KAT2B: variants seen among roughly 807,000 people sequenced by gnomAD.
The protein encoded by KAT2B is lysine acetyltransferase 2B, also known as histone acetyltransferase KAT2B.
Under a neutral mutation model 105.9 loss-of-function variants are expected in KAT2B, and 36 were observed. The ratio of observed to expected loss-of-function variants is 0.34; its 90% confidence interval spans 0.26 to 0.45. The LOEUF (loss-of-function observed/expected upper bound fraction) is 0.45, where lower values mean the gene tolerates loss of function less well. Among genes scored for constraint, KAT2B ranks in the 20% least tolerant of loss-of-function variants. The pLI is 1.00. For missense variants in KAT2B, 820 were observed against 1,021.6 expected, an observed-to-expected ratio of 0.80 and a Z score of 2.69; for synonymous variants, 397 against 377.9, an observed-to-expected ratio of 1.05 and a Z score of -0.59.
chr3:20,125,395 A>C (rs1407890522), intron 9 of KAT2B, among the ~76,000 whole-genome samples: 1 of 152,136 alleles, frequency 6.6e-6, no homozygotes, highest in Non-Finnish European at 1.5e-5. Flanking sequence ...AGGGTCCTTA[A>C]AGCTCAGCTG....
intron 13 of KAT2B, among the ~76,000 whole-genome samples, chr3:20,142,030 C>G (rs550681379): frequency 6.6e-6 from 1 of 152,180 alleles, no homozygotes; most frequent in African/African-American, 2.4e-5. Context: ...GCCATCACCC[C>G]GCTGTCAGCT....
chr3:20,053,148 A>T (rs1265792813), intron 1 of KAT2B, among the ~76,000 whole-genome samples: 2 of 152,170 alleles, frequency 1.3e-5, no homozygotes, highest in African/African-American at 4.8e-5. Context: ...TTATGGCCTG[A>T]ACGTCTCCTA....
rs534069051 is a variant in KAT2B at position 20,048,332 on chromosome 3, A to G, written c.303+7552A>G. Among the ~76,000 whole-genome samples, 148 of 152,354 alleles carry G rather than the reference A, an allele frequency of 9.7e-4. 1 individual carries two copies. Among genetic ancestry groups the G allele is most frequent in the African/African-American group, 3.4e-3 (143 of 41,578 alleles). On this transcript the variant is annotated intron_variant, in intron 1 of 17. Coordinates refer to ENST00000263754, the MANE Select transcript of KAT2B (RefSeq NM_003884.5). ...TTTTATATAACTGAGAAAGTGTTTT[A>G]CAGGGCAAAACAGCAAAATCTGCTG...
intron 2 of KAT2B, among the ~76,000 whole-genome samples, chr3:20,089,399 CT>C (rs60958319): frequency 2.6e-3 from 322 of 123,988 alleles, no homozygotes; most frequent in African/African-American, 5.8e-3. Flanking sequence ...GTCTTCTTCA[CT>C]TTTTTTTTTT....
chr3:20,134,614 G>C (rs1329612924), intron 11 of KAT2B, among the ~76,000 whole-genome samples: 2 of 152,044 alleles, frequency 1.3e-5, no homozygotes, highest in Non-Finnish European at 2.9e-5. Flanking sequence ...TCACCATGTT[G>C]TTCAGGATGG....
intron 2 of KAT2B, among the ~76,000 whole-genome samples, chr3:20,078,877 C>CTT (rs200121446): frequency 1.5e-4 from 20 of 133,736 alleles, no homozygotes; most frequent in Admixed American, 3.8e-4. Context: ...ACTCCCAGAG[C>CTT]TTTTTTTTTT....
chr3:20,092,700 T>G (rs953560024), intron 2 of KAT2B, among the ~76,000 whole-genome samples: 4 of 151,864 alleles, frequency 2.6e-5, no homozygotes, highest in African/African-American at 9.7e-5. Context: ...TGTATCGTTT[T>G]TTGTTGTTGT....
chr3:20,110,104 T>C (rs1432384736), intron 5 of KAT2B, among the ~76,000 whole-genome samples: 1 of 152,114 alleles, frequency 6.6e-6, no homozygotes, highest in Non-Finnish European at 1.5e-5. Context: ...TCAAAGTTCA[T>C]TGGGAGCTTT....
chr3:20,089,537 A>G (rs1045761162), intron 2 of KAT2B, among the ~76,000 whole-genome samples: 1 of 151,578 alleles, frequency 6.6e-6, no homozygotes, highest in African/African-American at 2.4e-5. Context: ...AGTAGCTGAG[A>G]TTACAGGCGT....
intron 6 of KAT2B, among the ~76,000 whole-genome samples, chr3:20,112,589 T>G (rs1167019601): frequency 6.6e-6 from 1 of 152,046 alleles, no homozygotes; most frequent in African/African-American, 2.4e-5. Context: ...CAGCGAGAAA[T>G]GAATGAGACA....
intron 1 of KAT2B, among the ~76,000 whole-genome samples, chr3:20,071,611 A>C (rs1559518179): frequency 6.6e-6 from 1 of 152,206 alleles, no homozygotes; most frequent in Admixed American, 6.5e-5. Context: ...AGGCTACATC[A>C]TGTTCACTCT....
chr3:20,072,230 G>C, intron 1 of KAT2B, 103 bp from the exon 2 acceptor site: 2 of 1,197,854 alleles, frequency 1.7e-6, no homozygotes, highest in Non-Finnish European at 2.5e-6. Context: ...TCAGGGGTGA[G>C]GGGATAGCTG....
At chr3:20,110,654 C>T (rs1478016014) in intron 5 of KAT2B, among the ~76,000 whole-genome samples, 2 of 120,198 alleles carry the variant, frequency 1.7e-5, no homozygotes, top group Admixed American at 1.1e-4. Context: ...GCCTTGGTGA[C>T]ACAGTGAGAC....
chr3:20,090,844 A>G (rs184569089), intron 2 of KAT2B, among the ~76,000 whole-genome samples: 4 of 152,246 alleles, frequency 2.6e-5, no homozygotes, highest in East Asian at 1.9e-4. Flanking sequence ...GGTTCAAGCA[A>G]TCCTCCAACC....
At position 20,152,486 on chromosome 3, in the gene KAT2B, C is replaced by G; in HGVS notation, c.2460C>G (p.Phe820Leu). 2 of 1,613,178 alleles carry G rather than the reference C, an allele frequency of 1.2e-6. No homozygotes were observed. Among genetic ancestry groups the G allele is most frequent in the Non-Finnish European group, 1.7e-6 (2 of 1,179,488 alleles). The change falls in exon 18 of 18, where the codon TTC becomes TTG. Residue 820 changes from phenylalanine (F) to leucine (L), a missense_variant. Transcript: ENST00000263754. ...YKCANILEKF[F>L]FSKIKEAGLI... ...GTGCCAATATCCTGGAGAAATTCTT[C>G]TTCAGTAAAATTAAGGAAGCTGGAT...
chr3:20,106,500 G>C (rs1413478075), intron 5 of KAT2B, among the ~76,000 whole-genome samples: 1 of 151,712 alleles, frequency 6.6e-6, no homozygotes, highest in Non-Finnish European at 1.5e-5. Context: ...CATTGACTCA[G>C]CCTCATTGTC....
chr3:20,051,061 A>G (rs1293807300), intron 1 of KAT2B, among the ~76,000 whole-genome samples: 1 of 151,880 alleles, frequency 6.6e-6, no homozygotes, highest in Non-Finnish European at 1.5e-5. Context: ...TTAGCTGGGC[A>G]TGGTGGCACA....
At position 20,042,983 on chromosome 3, in the gene KAT2B, T is replaced by A. The variant is rs538450593; in HGVS notation, c.303+2203T>A. Reference sequence around the variant, plus strand: ...GGCATGATCGTAGCTCACTGCAGACTCAACCTCCCTGGGCTCAGGTGATCC... The same window carrying A: ...GGCATGATCGTAGCTCACTGCAGACACAACCTCCCTGGGCTCAGGTGATCC... On this transcript the variant is annotated intron_variant, in intron 1 of 17. Transcript: ENST00000263754. 7.9e-5 allele frequency among the ~76,000 whole-genome samples: 12 copies of A among 152,058 alleles called. No homozygotes were observed. The South Asian group carries it at 2.5e-3, about 32-fold the overall frequency.
intron 1 of KAT2B, among the ~76,000 whole-genome samples, chr3:20,069,066 G>A (rs2125178747): frequency 6.6e-6 from 1 of 152,252 alleles, no homozygotes; most frequent in South Asian, 2.1e-4. Flanking sequence ...AGGTGCATTG[G>A]TTGGGGCCCT....
Sources: gnomAD v4.1 joint callset for allele counts (sites outside exome capture counted in the v4.1 genomes callset) on GRCh38, gnomAD v4.1.1 for gene constraint, MANE v1.5 for transcripts, NCBI Gene and HGNC (gene_info 2026-07-23, HGNC 2026-07-21) for gene names.